The following SRP72 variants were observed in gnomAD, a reference collection of about 807,000 sequenced individuals.
SRP72 encodes signal recognition particle 72.
SRP72 carries 49 observed loss-of-function variants against 96.3 expected under a neutral mutation model. The observed-to-expected ratio is 0.51, with a 90% CI of 0.40 to 0.65. The LOEUF is 0.65. SRP72 is among the 30% of genes least tolerant of loss of function. The probability of loss-of-function intolerance (pLI) is 0.00; values close to 1 mark genes in which losing one functional copy is unlikely to be tolerated. For missense variants in SRP72, 736 were observed against 793.3 expected (o/e 0.93, Z 0.87); for synonymous variants, 267 against 275.2 (o/e 0.97, Z 0.30).
chr4:56,501,624 A>G lies in SRP72; in HGVS notation c.1839-60A>G, dbSNP rs530939197. ...TGATAAGTAAAACCCATGTACATAC[A>G]TTTTTATACTCTTCCTTCGTTGAAT... On this transcript the variant is annotated intron_variant, in intron 18 of 18. Coordinates refer to ENST00000642900, the MANE Select transcript of SRP72 (RefSeq NM_006947.4). 30 of 1,489,690 alleles carry G rather than the reference A, an allele frequency of 2.0e-5. No homozygotes were observed. The East Asian group carries it at 5.3e-4, about 26-fold the overall frequency. 92.3% of individuals were successfully genotyped at this position (1,489,690 alleles called of 1,614,324 possible).
chr4:56,494,030 G>T (rs571723999), intron 16 of SRP72, among the ~76,000 whole-genome samples: 1 of 152,212 alleles, frequency 6.6e-6, no homozygotes, highest in Non-Finnish European at 1.5e-5. Flanking sequence ...TGGAGAAGAT[G>T]ATTGTGTTGA....
intron 8 of SRP72, among the ~76,000 whole-genome samples, chr4:56,482,285 CAA>C (rs536857516): frequency 1.5e-5 from 2 of 133,872 alleles, no homozygotes; most frequent in Non-Finnish European, 1.6e-5. Context: ...ACTAAAAATA[CAA>C]AAAAAAAAAA....
At position 56,474,040 on chromosome 4, in the gene SRP72, T is replaced by C; in HGVS notation, c.355-14T>C. The C allele has an allele frequency of 6.2e-7, 1 of 1,600,850 alleles. No homozygotes were observed. Among genetic ancestry groups the C allele is most frequent in the South Asian group, 1.1e-5 (1 of 88,492 alleles). On this transcript the variant is annotated splice_polypyrimidine_tract_variant and intron_variant, in intron 3 of 18. Coordinates refer to ENST00000642900, the MANE Select transcript of SRP72 (RefSeq NM_006947.4). ...TATTTGTCTCTGATTTTTTACTTGCTATTTATTATTCAGTTATACCGTTTG... is the reference window on the plus strand; with the variant it reads ...TATTTGTCTCTGATTTTTTACTTGCCATTTATTATTCAGTTATACCGTTTG...
chr4:56,478,990 T>C (rs1259663859), intron 8 of SRP72, among the ~76,000 whole-genome samples: 2 of 152,166 alleles, frequency 1.3e-5, no homozygotes, highest in East Asian at 3.8e-4. Context: ...TTTCTTCGTC[T>C]ATGGAATCTG....
In SRP72 at chr4:56,501,690, C is replaced by T. The variant is rs1345012406; in HGVS notation, c.1845C>T (p.Ala615=). 6.2e-7 allele frequency: 1 copy of T among 1,612,782 alleles called. No homozygotes were observed. Among genetic ancestry groups the T allele is most frequent in the African/African-American group, 1.3e-5 (1 of 74,830 alleles). The change falls in exon 19 of 19, where the codon GCC becomes GCT. Residue 615 remains alanine (A), a synonymous_variant. Coordinates refer to ENST00000642900, the MANE Select transcript of SRP72 (RefSeq NM_006947.4). ...AATGATCTGATGATTTCAGGGATGC[C>T]AGTAAAACTGTGAGCAGCCCACCCA... The part of the protein sequence containing the change: ...ATAGASSELD[A]SKTVSSPPTS...
chr4:56,473,406 C>G (rs533480190), intron 3 of SRP72, among the ~76,000 whole-genome samples: 3 of 149,738 alleles, frequency 2.0e-5, no homozygotes, highest in African/African-American at 7.4e-5. Context: ...TGCAGTGAGC[C>G]GAGATCGCGC....
chr4:56,472,963 G>A (rs1250044868), intron 3 of SRP72, among the ~76,000 whole-genome samples: 1 of 152,136 alleles, frequency 6.6e-6, no homozygotes, highest in African/African-American at 2.4e-5. Context: ...AGACTCACCT[G>A]TGTGATAGCT....
chr4:56,498,265 G>A (rs1204421846), intron 17 of SRP72, among the ~76,000 whole-genome samples: 4 of 151,864 alleles, frequency 2.6e-5, no homozygotes, highest in African/African-American at 9.7e-5. Context: ...CGTATTGATG[G>A]AATGTATCTC....
At chr4:56,473,909 TA>T in intron 3 of SRP72, 144 bp from the exon 4 acceptor site, 1 of 745,148 alleles carries the variant, frequency 1.3e-6, no homozygotes, top group Non-Finnish European at 2.1e-6. Context: ...TGGAACTATT[TA>T]AAAATTATAA....
chr4:56,486,082 T>C (rs1720698720), intron 10 of SRP72: 1 of 400,066 alleles, frequency 2.5e-6, no homozygotes, highest in Non-Finnish European at 4.6e-6. Flanking sequence ...TGAGGGATGA[T>C]GGATTTCTCT....
chr4:56,497,364 C>T (rs965342254), intron 17 of SRP72, among the ~76,000 whole-genome samples: 7 of 151,716 alleles, frequency 4.6e-5, no homozygotes, highest in East Asian at 1.9e-4. Flanking sequence ...GGACTGCAGG[C>T]GTACCCCACC....
chr4:56,489,071 C>A, intron 12 of SRP72: 1 of 200,096 alleles, frequency 5.0e-6, no homozygotes, highest in Admixed American at 5.7e-5. Flanking sequence ...ACTTAAATGT[C>A]CAGCAGTGTC....
chr4:56,469,672 T>A lies in SRP72; in HGVS notation c.129T>A (p.Asp43Glu). 6.2e-7 allele frequency: 1 copy of A among 1,606,726 alleles called. No individual in the cohort carries two copies. ...TVNKILQINK[D>E]DVTALHCKVV... The stretch of plus-strand genomic sequence containing the variant: ...CTCTAGTACTACAGATCAACAAAGA[T>A]GACGTAACTGCCCTGCATTGTAAAG... Residue 43 changes from aspartate (D) to glutamate (E), a missense_variant, in exon 2 of 19, where the codon GAT becomes GAA. Around this residue, in one of 3 missense-constraint regions of SRP72, gnomAD observed 329 missense variants for 319.0 expected, o/e 1.03. Transcript: ENST00000642900.
intron 6 of SRP72, chr4:56,476,912 G>A (rs543918744): frequency 4.0e-4 from 217 of 537,414 alleles, no homozygotes; most frequent in Non-Finnish European, 5.9e-4. Flanking sequence ...ATAACCTTAA[G>A]CACTTGATTA....
intron 6 of SRP72, 68 bp from the exon 7 acceptor site, chr4:56,478,311 T>G (rs978340967): frequency 6.8e-7 from 1 of 1,468,908 alleles, no homozygotes; most frequent in Middle Eastern, 2.6e-4. Flanking sequence ...TTTGAATGTT[T>G]GGGTCATTTG....
chr4:56,501,176 A>G (rs7670198), intron 18 of SRP72, among the ~76,000 whole-genome samples: 50,249 of 152,100 alleles, frequency 0.33, 8,648 homozygotes, highest in East Asian at 0.47. Context: ...GGGAGGCCAA[A>G]GCAGGCAGAT....
At position 56,501,300 on chromosome 4, in the gene SRP72, C is replaced by T. The variant is rs539950299; in HGVS notation, c.1839-384C>T. Among the ~76,000 whole-genome samples, 58 of 152,038 alleles carry T rather than the reference C, an allele frequency of 3.8e-4. 1 individual carries two copies. The highest frequency in any genetic ancestry group is 1.3e-3 in the African/African-American group (55 of 41,488). On this transcript the variant is annotated intron_variant, in intron 18 of 18. Transcript: ENST00000642900. ...GTGCGCACCTGTAATCCCAGCTACTCGGGTGGTTGAGGCAGGAGAATCACG... is the reference window on the plus strand; with the variant it reads ...GTGCGCACCTGTAATCCCAGCTACTTGGGTGGTTGAGGCAGGAGAATCACG...
Position 56,476,391 on chromosome 4 carries a change from T to C in SRP72, c.611-280T>C, listed in dbSNP as rs537841977. ...TTTATACTTTTCTATAATTGATTTT[T>C]CGCAATTAATATTTACTACATTTGT... is the stretch of plus-strand genomic sequence containing the variant. On this transcript the variant is annotated intron_variant, in intron 5 of 18. Coordinates refer to ENST00000642900, the MANE Select transcript of SRP72 (RefSeq NM_006947.4). 10 of 424,254 alleles carry C rather than the reference T, an allele frequency of 2.4e-5. No individual in the cohort carries two copies. The South Asian group carries it at 4.0e-4, about 17-fold the overall frequency. 26.3% of individuals were successfully genotyped at this position (424,254 alleles called of 1,614,324 possible). A position where few individuals can be genotyped will look rare whatever the true frequency, so the allele number is the denominator to read the frequency against.
In SRP72 at chr4:56,487,949, G is replaced by A; in HGVS notation, c.1160G>A (p.Gly387Asp). ...TGCTGATTTTGTTTATTCTCCTAAG[G>A]TAATATTTCTAAAGCATGTCTAATA... Reference protein sequence around the residue: ...LTMAQLKISQGNISKACLILR... With the variant: ...LTMAQLKISQDNISKACLILR... The change falls in exon 12 of 19, where the codon GGT becomes GAT. Residue 387 changes from glycine to aspartate, a missense_variant and splice_region_variant. Physicochemically the swap from Gly to Asp is moderately conservative, Grantham distance 94. This residue lies in a region of SRP72 where 388 missense variants were observed against 431.8 expected (regional missense o/e 0.90). Transcript: ENST00000642900. 6.3e-7 allele frequency: 1 copy of A among 1,593,838 alleles called. No individual in the cohort carries two copies. The highest frequency in any genetic ancestry group is 8.5e-7 in the Non-Finnish European group (1 of 1,171,896).
Sources: allele counts gnomAD v4.1 joint callset (sites outside exome capture counted in the v4.1 genomes callset), GRCh38; gene constraint gnomAD v4.1.1; regional missense constraint gnomAD v4.1.1; transcripts MANE v1.5; gene names NCBI Gene and HGNC (gene_info 2026-07-23, HGNC 2026-07-21).